ATP8B4: variants seen among roughly 807,000 people sequenced by gnomAD.
ATP8B4 encodes ATPase phospholipid transporting 8B4 (putative).
Under a neutral mutation model 145.6 loss-of-function variants are expected in ATP8B4, and 133 were observed. That is an observed-to-expected ratio of 0.91 (90% confidence interval 0.79 to 1.05). The LOEUF (loss-of-function observed/expected upper bound fraction) is 1.05. Ranked by LOEUF, ATP8B4 falls within the 50% of genes least tolerant of loss-of-function variation. The pLI, the probability that ATP8B4 is intolerant of heterozygous loss-of-function variation, is 0.00. For missense variants in ATP8B4, 1,458 were observed against 1,425.2 expected (o/e 1.02, Z -0.37); for synonymous variants, 507 against 492.9 (o/e 1.03, Z -0.38).
intron 21 of ATP8B4, among the ~76,000 whole-genome samples, chr15:49,900,535 T>C (rs1270877010): frequency 6.6e-6 from 1 of 152,210 alleles, no homozygotes; most frequent in Non-Finnish European, 1.5e-5. Flanking sequence ...TGAACTACAT[T>C]AAAAGTACAA....
intron 6 of ATP8B4, among the ~76,000 whole-genome samples, chr15:50,031,917 CT>C (rs2050472061): frequency 6.6e-6 from 1 of 152,186 alleles, no homozygotes; most frequent in Non-Finnish European, 1.5e-5. Context: ...ATATACTTCA[CT>C]TTTAAATGCT....
At chr15:49,912,615 T>C (rs1210819199) in intron 20 of ATP8B4, among the ~76,000 whole-genome samples, 1 of 152,116 alleles carries the variant, frequency 6.6e-6, no homozygotes, top group East Asian at 1.9e-4. Context: ...CTATAAATTA[T>C]CCTTAAGTAT....
intron 23 of ATP8B4, among the ~76,000 whole-genome samples, chr15:49,883,970 G>T (rs1236377652): frequency 6.6e-6 from 1 of 152,130 alleles, no homozygotes; most frequent in Non-Finnish European, 1.5e-5. Context: ...GAATGCAGAT[G>T]ATATAGAACC....
intron 2 of ATP8B4, among the ~76,000 whole-genome samples, chr15:50,095,279 A>AATC (rs2055896869): frequency 6.6e-6 from 1 of 152,142 alleles, no homozygotes. Flanking sequence ...CAGAGACTGA[A>AATC]AGAGAGAGAG....
At chr15:49,991,078 A>G (rs1174037248) in intron 9 of ATP8B4, among the ~76,000 whole-genome samples, 2 of 152,164 alleles carry the variant, frequency 1.3e-5, no homozygotes, top group Non-Finnish European at 2.9e-5. Context: ...ACGCCTTTAC[A>G]TGGAATCTAT....
At chr15:50,008,091 ATT>A (rs893027463) in intron 7 of ATP8B4, among the ~76,000 whole-genome samples, 5 of 152,202 alleles carry the variant, frequency 3.3e-5, no homozygotes, top group African/African-American at 1.2e-4. Flanking sequence ...AGACAAACTC[ATT>A]GAGCCACAGA....
At chr15:49,977,577 C>T (rs568602616) in intron 12 of ATP8B4, among the ~76,000 whole-genome samples, 1 of 152,108 alleles carries the variant, frequency 6.6e-6, no homozygotes, top group Admixed American at 6.6e-5. Context: ...GCAAATCCTA[C>T]TTCATAAGAT....
chr15:49,968,373 A>G lies in ATP8B4; in HGVS notation c.1243+4209T>C, dbSNP rs563995360. On this transcript the variant is annotated intron_variant, in intron 13 of 27. Coordinates refer to ENST00000284509, the MANE Select transcript of ATP8B4 (RefSeq NM_024837.4). ...GACCCACTGGTGTGCTGTATTCAGG[A>G]GAGCCATCTCATGTGCAAAGACACA... 4.5e-4 allele frequency among the ~76,000 whole-genome samples: 68 copies of G among 152,366 alleles called. 2 individuals carry two copies. The South Asian group carries it at 0.012, about 27-fold the overall frequency.
intron 23 of ATP8B4, among the ~76,000 whole-genome samples, chr15:49,890,957 G>C (rs1031716734): frequency 6.6e-6 from 1 of 152,158 alleles, no homozygotes; most frequent in Non-Finnish European, 1.5e-5. Flanking sequence ...AGACAATACT[G>C]CTAAGTAAGC....
chr15:50,157,507 G>A (rs1343361990), intron 1 of ATP8B4, among the ~76,000 whole-genome samples: 1 of 152,070 alleles, frequency 6.6e-6, no homozygotes, highest in Non-Finnish European at 1.5e-5. Flanking sequence ...TTGGTTACAC[G>A]GATGAATTGT....
intron 14 of ATP8B4, among the ~76,000 whole-genome samples, chr15:49,945,775 A>G (rs2042512572): frequency 6.6e-6 from 1 of 152,210 alleles, no homozygotes; most frequent in Non-Finnish European, 1.5e-5. Context: ...CAGAAAAAGC[A>G]TTTGACAAAA....
At chr15:50,065,811 C>T (rs1014860077) in intron 3 of ATP8B4, among the ~76,000 whole-genome samples, 1 of 151,742 alleles carries the variant, frequency 6.6e-6, no homozygotes, top group Non-Finnish European at 1.5e-5. Context: ...ATAAATAAGC[C>T]AAATCTGTTT....
At chr15:50,058,853 T>C (rs146111436) in intron 3 of ATP8B4, among the ~76,000 whole-genome samples, 87 of 151,882 alleles carry the variant, frequency 5.7e-4, no homozygotes, top group Non-Finnish European at 1.0e-3. Context: ...GTTTTTTTTT[T>C]GTTGAGTGGC....
rs541669551 is a variant in ATP8B4, at chr15:49,994,524, C to A, written c.589+2153G>T. On this transcript the variant is annotated intron_variant, in intron 9 of 27. Coordinates refer to ENST00000284509, the MANE Select transcript of ATP8B4 (RefSeq NM_024837.4). ...TACATCAGTGAATAAAACAAAGATC[C>A]CTGTGTAGCTTACACTGAAGCAGAT... Among the ~76,000 whole-genome samples, 8 of 152,036 alleles carry A rather than the reference C, an allele frequency of 5.3e-5. No homozygotes were observed. The South Asian group carries it at 1.2e-3, about 24-fold the overall frequency.
chr15:49,987,298 C>G, intron 10 of ATP8B4, 93 bp downstream of exon 10: 1 of 1,417,912 alleles, frequency 7.1e-7, no homozygotes, highest in Non-Finnish European at 9.5e-7. Context: ...AATGAAAGCA[C>G]TGCGCTCATC....
At chr15:50,165,345 G>A (rs990230536) in intron 1 of ATP8B4, among the ~76,000 whole-genome samples, 1 of 152,142 alleles carries the variant, frequency 6.6e-6, no homozygotes, top group Non-Finnish European at 1.5e-5. Context: ...GAGCCACCAC[G>A]ACCAGCCCCT....
At chr15:50,130,719 T>C (rs1214918819) in intron 1 of ATP8B4, among the ~76,000 whole-genome samples, 1 of 152,002 alleles carries the variant, frequency 6.6e-6, no homozygotes, top group African/African-American at 2.4e-5. Flanking sequence ...GAGGCTGCAG[T>C]GAGTCGAGAT....
At chr15:50,049,613 C>T (rs2052015820) in intron 3 of ATP8B4, among the ~76,000 whole-genome samples, 1 of 152,236 alleles carries the variant, frequency 6.6e-6, no homozygotes, top group South Asian at 2.1e-4. Flanking sequence ...AATGAACATA[C>T]AAGTGCATGT....
chr15:49,887,100 G>A (rs148991536), intron 23 of ATP8B4, among the ~76,000 whole-genome samples: 98 of 152,200 alleles, frequency 6.4e-4, no homozygotes, highest in Admixed American at 1.3e-3. Context: ...ATAAACCACC[G>A]TTCCTGGCCA....
Sources: gnomAD v4.1 joint callset for allele counts (sites outside exome capture counted in the v4.1 genomes callset) on GRCh38, gnomAD v4.1.1 for gene constraint, MANE v1.5 for transcripts, NCBI Gene and HGNC (gene_info 2026-07-23, HGNC 2026-07-21) for gene names.